The following PTPRD variants were observed in gnomAD, a reference collection of about 807,000 sequenced individuals.
The protein encoded by PTPRD is receptor-type tyrosine-protein phosphatase delta.
PTPRD carries 34 observed loss-of-function variants against 214.5 expected under a neutral mutation model. The ratio of observed to expected loss-of-function variants is 0.16; its 90% CI spans 0.12 to 0.21. PTPRD has a LOEUF of 0.21. PTPRD is among the 10% of genes least tolerant of loss of function. The pLI is 1.00. For synonymous variants in PTPRD, 1,128 were observed against 845.7 expected (o/e 1.33, Z -5.79); for missense variants, 2,545 against 2,398.7 (o/e 1.06, Z -1.27).
intron 2 of PTPRD, among the ~76,000 whole-genome samples, chr9:10,373,089 T>C (rs2097661063): frequency 6.7e-6 from 1 of 149,664 alleles, no homozygotes; most frequent in Non-Finnish European, 1.5e-5. Context: ...AGCCTTGGCC[T>C]CCCAAAGTGC....
intron 3 of PTPRD, among the ~76,000 whole-genome samples, chr9:10,256,376 G>A (rs2093277825): frequency 6.7e-6 from 1 of 150,324 alleles, no homozygotes; most frequent in Non-Finnish European, 1.5e-5. Context: ...AACTCCTGAG[G>A]GACCTGCTTG....
intron 5 of PTPRD, among the ~76,000 whole-genome samples, chr9:9,802,065 A>C (rs1043880189): frequency 6.6e-6 from 1 of 152,046 alleles, no homozygotes; most frequent in African/African-American, 2.4e-5. Context: ...TGTGTTTAGC[A>C]CCAATTGCTT....
At chr9:10,514,309 A>G (rs1342236583) in intron 2 of PTPRD, among the ~76,000 whole-genome samples, 1 of 151,584 alleles carries the variant, frequency 6.6e-6, no homozygotes, top group Non-Finnish European at 1.5e-5. Context: ...TTGGGGAGCA[A>G]AATCAAAATT....
intron 4 of PTPRD, among the ~76,000 whole-genome samples, chr9:10,026,665 T>C (rs554101359): frequency 2.0e-5 from 3 of 152,196 alleles, no homozygotes; most frequent in Admixed American, 1.3e-4. Flanking sequence ...CTGTCAGTAA[T>C]TGTAAACAGC....
chr9:8,338,915 A>T lies in PTPRD; in HGVS notation c.5379+7T>A, dbSNP rs2132217080. Reference sequence around the variant, plus strand: ...ATGGTTAAGAGTTGAAGACTGTGCCAACTTACCCTGGCATCTGTGACCTTG... The same window carrying T: ...ATGGTTAAGAGTTGAAGACTGTGCCTACTTACCCTGGCATCTGTGACCTTG... On this transcript the variant is annotated splice_region_variant and intron_variant, in intron 43 of 45. Transcript: ENST00000381196. 2.5e-6 allele frequency: 4 copies of T among 1,608,262 alleles called. No individual in the cohort carries two copies. The highest frequency in any genetic ancestry group is 2.6e-6 in the Non-Finnish European group (3 of 1,176,276).
At chr9:10,610,963 CACTT>C (rs1352964082) in intron 2 of PTPRD, among the ~76,000 whole-genome samples, 1 of 152,064 alleles carries the variant, frequency 6.6e-6, no homozygotes, top group African/African-American at 2.4e-5. Context: ...TTTATATACT[CACTT>C]AAGTAAATAA....
chr9:10,329,345 A>G (rs2096707013), intron 3 of PTPRD, among the ~76,000 whole-genome samples: 1 of 151,888 alleles, frequency 6.6e-6, no homozygotes, highest in South Asian at 2.1e-4. Flanking sequence ...CGAACTGGGA[A>G]TTAAAATATA....
At chr9:9,646,201 ATTTG>A (rs1243938978) in intron 7 of PTPRD, among the ~76,000 whole-genome samples, 1 of 151,896 alleles carries the variant, frequency 6.6e-6, no homozygotes, top group Non-Finnish European at 1.5e-5. Context: ...TAAACTTAAT[ATTTG>A]TTTGTCTGTA....
intron 10 of PTPRD, among the ~76,000 whole-genome samples, chr9:9,171,608 T>C (rs948356141): frequency 6.6e-6 from 1 of 151,822 alleles, no homozygotes; most frequent in Non-Finnish European, 1.5e-5. Context: ...AGGTCAAATA[T>C]GTTGATAGGA....
At chr9:10,436,766 A>G (rs1009003026) in intron 2 of PTPRD, among the ~76,000 whole-genome samples, 2 of 151,836 alleles carry the variant, frequency 1.3e-5, no homozygotes, top group East Asian at 1.9e-4. Context: ...TGTCCAAAAT[A>G]CTGACAGGTT....
At chr9:9,280,051 G>A (rs796991278) in intron 9 of PTPRD, among the ~76,000 whole-genome samples, 3 of 151,420 alleles carry the variant, frequency 2.0e-5, no homozygotes, top group African/African-American at 7.2e-5. Flanking sequence ...CTTTAGCATA[G>A]CAAAAACTGT....
Position 10,458,557 on chromosome 9 carries a change from A to G in PTPRD, c.-599-117540T>C, listed in dbSNP as rs554249229. Among the ~76,000 whole-genome samples the G allele has an allele frequency of 2.1e-4, 32 of 152,294 alleles. 1 individual carries two copies. In the South Asian group the frequency reaches 5.4e-3, roughly 26 times the overall value. ...GAAAAGTTCTTCACCGTAGTAAAGG[A>G]CATTTGTTTAAAAAGCACAGCTAAC... is the stretch of plus-strand genomic sequence containing the variant. On this transcript the variant is annotated intron_variant, in intron 2 of 45. Coordinates refer to ENST00000381196, the MANE Select transcript of PTPRD (RefSeq NM_002839.4).
At chr9:9,639,819 T>C (rs922715621) in intron 7 of PTPRD, among the ~76,000 whole-genome samples, 5 of 152,190 alleles carry the variant, frequency 3.3e-5, no homozygotes, top group Non-Finnish European at 5.9e-5. Context: ...TTTGCTTAGG[T>C]TTGTATTAAC....
intron 9 of PTPRD, among the ~76,000 whole-genome samples, chr9:9,384,844 A>C (rs2140494618): frequency 6.6e-6 from 1 of 152,158 alleles, no homozygotes. Flanking sequence ...AAACACCCTT[A>C]TGGAATGAGA....
intron 4 of PTPRD, among the ~76,000 whole-genome samples, chr9:9,952,877 A>T (rs1277258204): frequency 6.6e-6 from 1 of 152,118 alleles, no homozygotes; most frequent in Non-Finnish European, 1.5e-5. Context: ...TCTGGCTGCT[A>T]TTTCCCTTAA....
chr9:10,472,764 A>G (rs1361855888), intron 2 of PTPRD, among the ~76,000 whole-genome samples: 4 of 152,100 alleles, frequency 2.6e-5, no homozygotes, highest in Non-Finnish European at 5.9e-5. Context: ...ACATCCTAGA[A>G]AACTCAAATT....
chr9:10,334,286 T>C (rs1443169371), intron 3 of PTPRD, among the ~76,000 whole-genome samples: 2 of 151,668 alleles, frequency 1.3e-5, no homozygotes, highest in Non-Finnish European at 3.0e-5. Flanking sequence ...ATTGATAGAA[T>C]AAATCAGAAA....
chr9:9,866,205 T>G (rs920129530), intron 5 of PTPRD, among the ~76,000 whole-genome samples: 1 of 152,266 alleles, frequency 6.6e-6, no homozygotes, highest in East Asian at 1.9e-4. Flanking sequence ...GTTAGTAATT[T>G]GTACTACACA....
chr9:9,207,738 TAAC>T (rs758532455), intron 9 of PTPRD, among the ~76,000 whole-genome samples: 6 of 152,124 alleles, frequency 3.9e-5, no homozygotes, highest in South Asian at 2.1e-4. Flanking sequence ...CAAAAATACT[TAAC>T]AATATTTGGT....
Sources: allele counts gnomAD v4.1 joint callset (sites outside exome capture counted in the v4.1 genomes callset), GRCh38; gene constraint gnomAD v4.1.1; transcripts MANE v1.5; gene names NCBI Gene and HGNC (gene_info 2026-07-23, HGNC 2026-07-21).